ABCA7: variants seen among roughly 807,000 people sequenced by gnomAD.
The protein encoded by ABCA7 is ATP binding cassette subfamily A member 7, also known as phospholipid-transporting ATPase ABCA7.
In ABCA7, 261 loss-of-function variants were observed where a neutral mutation model predicts 227.6. That is an observed-to-expected ratio of 1.15 (90% CI 1.04 to 1.27). The LOEUF is 1.27. Among genes scored for constraint, ABCA7 ranks in the 50% most tolerant of loss-of-function variants. ABCA7 has a pLI of 0.00. For synonymous variants in ABCA7, 1,488 were observed against 1,279.7 expected (o/e 1.16, Z -3.47); for missense variants, 3,331 against 2,924.5 (o/e 1.14, Z -3.21).
chr19:1,052,912 G>T (rs2041905826), intron 23 of ABCA7, among the ~76,000 whole-genome samples: 1 of 152,012 alleles, frequency 6.6e-6, no homozygotes, highest in African/African-American at 2.4e-5. Context: ...CTTTTTGTTT[G>T]TTTCTGAGTC....
intron 44 of ABCA7, 61 bp from the exon 45 acceptor site, chr19:1,064,100 G>C (rs1461892734): frequency 6.7e-7 from 1 of 1,481,698 alleles, no homozygotes; most frequent in African/African-American, 1.4e-5. Context: ...GAAGCAGGCA[G>C]TGTGGCGCCA....
At chr19:1,062,453 C>T (rs2144957099) in intron 42 of ABCA7, 140 bp downstream of exon 42, 1 of 1,355,868 alleles carries the variant, frequency 7.4e-7, no homozygotes, top group Non-Finnish European at 1.0e-6. Context: ...CTTCCTTCCC[C>T]TATACCTCTG....
In ABCA7 at chr19:1,065,530, G is replaced by T. The variant is rs917550826; in HGVS notation, c.*105G>T. The T allele has an allele frequency of 5.1e-6, 7 of 1,359,380 alleles. No individual in the cohort carries two copies. Among genetic ancestry groups the T allele is most frequent in the Non-Finnish European group, 7.0e-6 (7 of 997,256 alleles). The allele number at this position is 1,359,380 out of a possible 1,614,324, so 84.2% of individuals were successfully genotyped here. A position where few individuals can be genotyped will look rare whatever the true frequency, so the allele number is the denominator to read the frequency against. On this transcript the variant is annotated 3_prime_UTR_variant, in exon 47 of 47. Coordinates refer to ENST00000263094, the MANE Select transcript of ABCA7 (RefSeq NM_019112.4). ...GGCTGGCAGAGGGGCTGGTGCCCTG[G>T]AGAAAATAAAGAGAAGGCTGGAGAG...
chr19:1,057,368 C>T lies in ABCA7; in HGVS notation c.4819C>T (p.Gln1607Ter), dbSNP rs138122804. 3.1e-6 allele frequency: 5 copies of T among 1,613,858 alleles called. No homozygotes were observed. The highest frequency in any genetic ancestry group is 2.7e-5 in the African/African-American group (2 of 74,938). Residue 1607 changes from glutamine (Q) to a stop codon, truncating the protein, a stop_gained, in exon 35 of 47, where the codon CAG becomes TAG. Transcript: ENST00000263094. LOFTEE classifies it high-confidence loss of function. ...GGTGCTCATCTTTCTGGCCTTCCAG[C>T]AGAGGGCATATGTGGCCCCTGCCAA... is the stretch of plus-strand genomic sequence containing the variant. ...IVVLIFLAFQQRAYVAPANLP... is the reference protein window; with the variant it reads ...IVVLIFLAFQ
Position 1,056,885 on chromosome 19 carries a change from G to A in ABCA7, c.4587-22G>A, listed in dbSNP as rs201780774. On this transcript the variant is annotated intron_variant, in intron 33 of 46. Transcript: ENST00000263094. The surrounding 1 kb of genome is among the most constrained non-coding windows in gnomAD (Gnocchi z 4.3). Reference sequence around the variant, plus strand: ...ACCCATGCACCCTCACCCTACAACAGCTCTCATGTCTTCACCTCCAGGATG... The same window carrying A: ...ACCCATGCACCCTCACCCTACAACAACTCTCATGTCTTCACCTCCAGGATG... 2.5e-6 allele frequency: 4 copies of A among 1,607,990 alleles called. No homozygotes were observed. Among genetic ancestry groups the A allele is most frequent in the Non-Finnish European group, 3.4e-6 (4 of 1,176,202 alleles).
At position 1,054,211 on chromosome 19, in the gene ABCA7, C is replaced by T; in HGVS notation, c.3596C>T (p.Thr1199Ile). The change falls in exon 27 of 47, where the codon ACT becomes ATT. Residue 1199 changes from threonine to isoleucine, a missense_variant. Thr to Ile is a moderately conservative substitution (Grantham distance 89). Transcript: ENST00000263094. This position sits in a 1 kb window ranked among gnomAD's most constrained non-coding sequence, Gnocchi z 4.8. ...CTCACAGCTGGGTCAGCCCCAGAGACTGACCAGGGCTCTGGGCCAGACGCC... is the reference window on the plus strand; with the variant it reads ...CTCACAGCTGGGTCAGCCCCAGAGATTGACCAGGGCTCTGGGCCAGACGCC... ...NGEPAGSAPE[T>I]DQGSGPDAVG... is the part of the protein sequence containing the mutation. The T allele has an allele frequency of 6.2e-7, 1 of 1,608,350 alleles. No individual in the cohort carries two copies. Among genetic ancestry groups the T allele is most frequent in the East Asian group, 2.2e-5 (1 of 44,716 alleles).
rs755196880 is a variant in ABCA7, at chr19:1,042,808, T to G, written c.561T>G (p.Ala187=). 6.2e-7 allele frequency: 1 copy of G among 1,610,700 alleles called. No individual in the cohort carries two copies. Among genetic ancestry groups the G allele is most frequent in the Admixed American group, 1.7e-5 (1 of 59,156 alleles). ...CCTTGCACAGCTTGTTGGAGGCCGCTGAGGACCTGGCCCAGGAGGTACGAG... is the reference window on the plus strand; with the variant it reads ...CCTTGCACAGCTTGTTGGAGGCCGCGGAGGACCTGGCCCAGGAGGTACGAG... ...QEPLHSLLEA[A]EDLAQELLAL... is the part of the protein sequence containing the mutation. Residue 187 remains alanine, a synonymous_variant, in exon 7 of 47, where the codon GCT becomes GCG. Transcript: ENST00000263094.
At position 1,042,373 on chromosome 19, in the gene ABCA7, G is replaced by A. The variant is rs772356677; in HGVS notation, c.474G>A (p.Glu158=). The A allele has an allele frequency of 4.4e-6, 7 of 1,606,038 alleles. No individual in the cohort carries two copies. In the Admixed American group the frequency reaches 1.2e-4, roughly 27 times the overall value. Residue 158 remains glutamate (E), a synonymous_variant, in exon 6 of 47, where the codon GAG becomes GAA. Transcript: ENST00000263094. ...AACCACCCATGCTGGATGTCGCGGAGCTGCTGACGTCACTGCTGCGCACGG... is the reference window on the plus strand; with the variant it reads ...AACCACCCATGCTGGATGTCGCGGAACTGCTGACGTCACTGCTGCGCACGG... ...PLEPPMLDVA[E]LLTSLLRTES...
In ABCA7 at chr19:1,043,145, G is replaced by T. The variant is rs1280044736; in HGVS notation, c.684G>T (p.Arg228Ser). The T allele has an allele frequency of 6.2e-7, 1 of 1,612,374 alleles. No homozygotes were observed. The highest frequency in any genetic ancestry group is 8.5e-7 in the Non-Finnish European group (1 of 1,179,508). ...ELLSEALCSV[R>S]GPSSTVGPSL... is the part of the protein sequence containing the mutation. Reference sequence around the variant, plus strand: ...TGTCAGAGGCCCTCTGCAGTGTCAGGGGACCTAGCAGCACAGTGGGCCCCT... The same window carrying T: ...TGTCAGAGGCCCTCTGCAGTGTCAGTGGACCTAGCAGCACAGTGGGCCCCT... The change falls in exon 8 of 47, where the codon AGG becomes AGT. Residue 228 changes from arginine (R) to serine (S), a missense_variant. By Grantham distance (110) the Arg-to-Ser change is moderately radical. Coordinates refer to ENST00000263094, the MANE Select transcript of ABCA7 (RefSeq NM_019112.4).
chr19:1,055,382 G>C, intron 30 of ABCA7, 31 bp downstream of exon 30: 1 of 1,535,852 alleles, frequency 6.5e-7, no homozygotes, highest in Non-Finnish European at 8.7e-7. Context: ...CAGTTTCCCT[G>C]GCTATAGCAT....
In ABCA7 at chr19:1,061,699, CAAAAAAAA is replaced by C. The variant is rs397859882; in HGVS notation, c.5464-74_5464-67del. ...GGGAAACAAGAGCAAAACTTGGTCT[CAAAAAAAA>C]AAAAAAAAGAAATCAGAGATGCCGG... On this transcript the variant is annotated intron_variant, in intron 40 of 46. Coordinates refer to ENST00000263094, the MANE Select transcript of ABCA7 (RefSeq NM_019112.4). The C allele has an allele frequency of 5.7e-6, 6 of 1,056,002 alleles. No homozygotes were observed. The Middle Eastern group carries it at 7.5e-4, about 131-fold the overall frequency. 65.4% of individuals were successfully genotyped at this position (1,056,002 alleles called of 1,614,324 possible). A position where few individuals can be genotyped will look rare whatever the true frequency, so the allele number is the denominator to read the frequency against.
intron 30 of ABCA7, among the ~76,000 whole-genome samples, chr19:1,055,663 C>A (rs947644174): frequency 6.6e-6 from 1 of 151,912 alleles, no homozygotes; most frequent in Admixed American, 6.6e-5. Context: ...CCACCACTCC[C>A]GACTAATTTT....
At chr19:1,042,510 C>G in intron 6 of ABCA7, 113 bp downstream of exon 6, 1 of 1,353,728 alleles carries the variant, frequency 7.4e-7, no homozygotes, top group South Asian at 1.2e-5. Context: ...CAGGCTGTCC[C>G]TGGTCTCTGC....
In ABCA7 at chr19:1,065,122, C is replaced by A; in HGVS notation, c.6236C>A (p.Ala2079Glu). ...RVFGELAVHG[A>E]EHGVEDFSVS... ...TTTGGAGAGCTGGCGGTGCACGGCG[C>A]AGAGCACGGCGTGGAGGACTTTTCC... Residue 2079 changes from alanine to glutamate, a missense_variant, in exon 46 of 47, where the codon GCA becomes GAA. Transcript: ENST00000263094. The A allele has an allele frequency of 6.3e-7, 1 of 1,590,938 alleles. No homozygotes were observed. The highest frequency in any genetic ancestry group is 8.6e-7 in the Non-Finnish European group (1 of 1,168,046).
At position 1,054,100 on chromosome 19, in the gene ABCA7, C is replaced by T. The variant is rs566685952; in HGVS notation, c.3567C>T (p.Asn1189=). 37 of 1,613,262 alleles carry T rather than the reference C, an allele frequency of 2.3e-5. No homozygotes were observed. Among genetic ancestry groups the T allele is most frequent in the South Asian group, 1.2e-4 (11 of 91,086 alleles). ...KMPPQETALE[N]GEPAGSAPET... is the part of the protein sequence containing the mutation. ...CGCCACAGGAGACAGCGCTGGAGAA[C>T]GGGGAACCAGGTAAGTCCTTCCCAG... Residue 1189 remains asparagine (N), a synonymous_variant, in exon 26 of 47, where the codon AAC becomes AAT. Coordinates refer to ENST00000263094, the MANE Select transcript of ABCA7 (RefSeq NM_019112.4). The surrounding 1 kb of genome is among the most constrained non-coding windows in gnomAD (Gnocchi z 4.8).
In ABCA7 at chr19:1,044,697, C is replaced by G; in HGVS notation, c.1168C>G (p.His390Asp). ...GSGGYSWQDA[H>D]ADVGHLVGTL... ...CGGTGGCTACAGCTGGCAGGACGCA[C>G]ACGCTGATGTGGGGCACCTGGTGGG... is the stretch of plus-strand genomic sequence containing the variant. Residue 390 changes from histidine (H) to aspartate (D), a missense_variant, in exon 11 of 47, where the codon CAC becomes GAC. Transcript: ENST00000263094. 2 of 1,612,554 alleles carry G rather than the reference C, an allele frequency of 1.2e-6. No individual in the cohort carries two copies. The highest frequency in any genetic ancestry group is 2.2e-5 in the East Asian group (1 of 44,870).
rs770025160 is a variant in ABCA7 at position 1,056,989 on chromosome 19, C to T, written c.4669C>T (p.Leu1557Phe). The change falls in exon 34 of 47, where the codon CTC (leucine) becomes TTC (phenylalanine). Residue 1557 changes from leucine (L) to phenylalanine (F), a missense_variant. Coordinates refer to ENST00000263094, the MANE Select transcript of ABCA7 (RefSeq NM_019112.4). The surrounding 1 kb of genome is among the most constrained non-coding windows in gnomAD (Gnocchi z 4.3). ...SFVPASFTLV[L>F]IEERVTRAKH... ...TGTCCCGGCCAGCTTCACTCTTGTC[C>T]TCATTGAGGAGCGAGTCACCCGAGC... 1 of 1,613,960 alleles carries T rather than the reference C, an allele frequency of 6.2e-7. No individual in the cohort carries two copies. Among genetic ancestry groups the T allele is most frequent in the Non-Finnish European group, 8.5e-7 (1 of 1,180,010 alleles).
rs754074734 is a variant in ABCA7 at position 1,042,806 on chromosome 19, G to C, written c.559G>C (p.Ala187Pro). ...GCCCTTGCACAGCTTGTTGGAGGCC[G>C]CTGAGGACCTGGCCCAGGAGGTACG... Reference protein sequence around the residue: ...QEPLHSLLEAAEDLAQELLAL... With the variant: ...QEPLHSLLEAPEDLAQELLAL... The change falls in exon 7 of 47, where the codon GCT (alanine) becomes CCT (proline). Residue 187 changes from alanine (A) to proline (P), a missense_variant. Transcript: ENST00000263094. 1.9e-6 allele frequency: 3 copies of C among 1,610,270 alleles called. No homozygotes were observed. The highest frequency in any genetic ancestry group is 2.5e-6 in the Non-Finnish European group (3 of 1,178,964).
Position 1,058,851 on chromosome 19 carries a change from G to A in ABCA7, c.5311G>A (p.Glu1771Lys). The change falls in exon 39 of 47, where the codon GAG (glutamate) becomes AAG (lysine). Residue 1771 changes from glutamate to lysine, a missense_variant. Coordinates refer to ENST00000263094, the MANE Select transcript of ABCA7 (RefSeq NM_019112.4). ...GGTGAGGTCTCTGCCACTCCTGGGAGAGGAGGACGAGGATGTAGCCCGTGA... is the reference window on the plus strand; with the variant it reads ...GGTGAGGTCTCTGCCACTCCTGGGAAAGGAGGACGAGGATGTAGCCCGTGA... ...PRVRSLPLLG[E>K]EDEDVARERE... 6.3e-7 allele frequency: 1 copy of A among 1,575,802 alleles called. No individual in the cohort carries two copies. The highest frequency in any genetic ancestry group is 8.6e-7 in the Non-Finnish European group (1 of 1,157,838).
Sources: allele counts gnomAD v4.1 joint callset (sites outside exome capture counted in the v4.1 genomes callset), GRCh38; gene constraint gnomAD v4.1.1; non-coding constraint Gnocchi (gnomAD v3.1); transcripts MANE v1.5; gene names NCBI Gene and HGNC (gene_info 2026-07-23, HGNC 2026-07-21).